SEC23A: variants seen among roughly 807,000 people sequenced by gnomAD.
The protein encoded by SEC23A is SEC23 homolog A, COPII component.
Under a neutral mutation model 103.7 loss-of-function variants are expected in SEC23A, and 56 were observed. That is an observed-to-expected ratio of 0.54 (90% CI 0.44 to 0.67). The LOEUF (loss-of-function observed/expected upper bound fraction) is 0.67, where lower values mean the gene tolerates loss of function less well. Ranked by LOEUF, SEC23A falls within the 30% of genes least tolerant of loss-of-function variation. The probability of loss-of-function intolerance (pLI) is 0.00; values close to 1 mark genes in which losing one functional copy is unlikely to be tolerated. For synonymous variants in SEC23A, 281 were observed against 293.0 expected, an observed-to-expected ratio of 0.96 and a Z score of 0.42; for missense variants, 784 against 936.4, an observed-to-expected ratio of 0.84 and a Z score of 2.12.
rs374291233 is a variant in SEC23A at position 39,092,151 on chromosome 14, G to A, written c.366+390C>T. ...GTAAACAACTATGGTTAAGTATTCA[G>A]AAAGAGAATAAAAATGATTTTCCTA... On this transcript the variant is annotated intron_variant, in intron 4 of 19. Transcript: ENST00000307712. Among the ~76,000 whole-genome samples the A allele has an allele frequency of 2.5e-3, 375 of 152,276 alleles. 1 individual carries two copies. Among genetic ancestry groups the A allele is most frequent in the Non-Finnish European group, 4.6e-3 (311 of 68,002 alleles).
At chr14:39,048,827 G>A (rs564586604) in intron 14 of SEC23A, 98 bp from the exon 15 acceptor site, 1 of 694,382 alleles carries the variant, frequency 1.4e-6, no homozygotes, top group Admixed American at 2.3e-5. Context: ...CCAATCATCA[G>A]GAAGCAGATA....
rs750091104 is a variant in SEC23A at position 39,074,407 on chromosome 14, A to C, written c.1103+8T>G. 8 of 1,539,278 alleles carry C rather than the reference A, an allele frequency of 5.2e-6. No individual in the cohort carries two copies. In the Admixed American group the frequency reaches 1.3e-4, roughly 26 times the overall value. ...AATTACAAAAACTGTAAAAATTTAA[A>C]TACATACCCAGTAAGGTTGGGACAG... On this transcript the variant is annotated splice_region_variant and intron_variant, in intron 9 of 19. Coordinates refer to ENST00000307712, the MANE Select transcript of SEC23A (RefSeq NM_006364.4).
At chr14:39,065,747 C>G (rs1171930054) in intron 10 of SEC23A, among the ~76,000 whole-genome samples, 2 of 152,144 alleles carry the variant, frequency 1.3e-5, no homozygotes, top group Non-Finnish European at 2.9e-5. Context: ...GCCTGTAATC[C>G]CAACACTTTG....
At chr14:39,037,382 CCT>C (rs1227626462) in intron 19 of SEC23A, among the ~76,000 whole-genome samples, 1 of 152,070 alleles carries the variant, frequency 6.6e-6, no homozygotes, top group Non-Finnish European at 1.5e-5. Flanking sequence ...CCCAAAATAC[CCT>C]GTTTCCCCTC....
chr14:39,059,297 A>AAAAAAC lies in SEC23A; in HGVS notation c.1505+2467_1505+2468insGTTTTT, dbSNP rs1566491524. 1.7e-5 allele frequency among the ~76,000 whole-genome samples: 2 copies of AAAAAAC among 119,780 alleles called. 1 individual carries two copies. The highest frequency in any genetic ancestry group is 3.8e-5 in the Non-Finnish European group (2 of 52,976). 78.6% of individuals were successfully genotyped at this position (119,780 alleles called of 152,430 possible). A position where few individuals can be genotyped will look rare whatever the true frequency, so the allele number is the denominator to read the frequency against. ...CTAGTTTAAAAAAAAAAAAAAAAAA[A>AAAAAAC]AAAAAAAAAAAAACAACAAGGTGCT... On this transcript the variant is annotated intron_variant, in intron 13 of 19. Coordinates refer to ENST00000307712, the MANE Select transcript of SEC23A (RefSeq NM_006364.4).
At chr14:39,052,165 G>T (rs1358772706) in intron 14 of SEC23A, among the ~76,000 whole-genome samples, 1 of 152,066 alleles carries the variant, frequency 6.6e-6, no homozygotes, top group East Asian at 1.9e-4. Context: ...GGGGAGTGAG[G>T]GGAGGGAGAG....
At chr14:39,065,788 C>T (rs1393870545) in intron 10 of SEC23A, among the ~76,000 whole-genome samples, 2 of 152,006 alleles carry the variant, frequency 1.3e-5, no homozygotes, top group African/African-American at 2.4e-5. Context: ...CACCCAAGGT[C>T]GGGAGTTCAA....
chr14:39,055,463 A>C (rs1054680076), intron 13 of SEC23A, among the ~76,000 whole-genome samples, 167 bp from the exon 14 acceptor site: 4 of 150,456 alleles, frequency 2.7e-5, no homozygotes, highest in African/African-American at 9.8e-5. Flanking sequence ...GCTGCAGTGC[A>C]ATGGCGCGAT....
intron 6 of SEC23A, among the ~76,000 whole-genome samples, chr14:39,086,281 G>A (rs1887441400): frequency 6.6e-6 from 1 of 152,132 alleles, no homozygotes; most frequent in South Asian, 2.1e-4. Flanking sequence ...TTAGGTTACT[G>A]AAATAATTAT....
chr14:39,035,169 T>C (rs1399816923), intron 19 of SEC23A, among the ~76,000 whole-genome samples: 1 of 152,200 alleles, frequency 6.6e-6, no homozygotes, highest in Non-Finnish European at 1.5e-5. Context: ...ATAGGATTAC[T>C]AGTATCCACC....
chr14:39,072,072 A>G (rs1262852862), intron 9 of SEC23A, among the ~76,000 whole-genome samples: 1 of 152,014 alleles, frequency 6.6e-6, no homozygotes, highest in Non-Finnish European at 1.5e-5. Context: ...TGTCTCTACT[A>G]AAAATACAAA....
At chr14:39,094,436 ATATATATT>A (rs1566515325) in intron 2 of SEC23A, among the ~76,000 whole-genome samples, 919 of 21,518 alleles carry the variant, frequency 0.043, 232 homozygotes, top group Non-Finnish European at 0.051. Context: ...ATATATATAT[ATATATATT>A]TTTTTTTTTT....
chr14:39,092,701 A>T, intron 3 of SEC23A, 74 bp from the exon 4 acceptor site: 1 of 813,398 alleles, frequency 1.2e-6, no homozygotes, highest in Non-Finnish European at 2.0e-6. Context: ...TAAACAAAGT[A>T]TTTCCTGATC....
intron 7 of SEC23A, among the ~76,000 whole-genome samples, chr14:39,084,771 G>A (rs1250789130): frequency 6.6e-6 from 1 of 152,150 alleles, no homozygotes; most frequent in East Asian, 1.9e-4. Flanking sequence ...TTGGGTTCAA[G>A]CAATTCTCCC....
chr14:39,065,654 C>T (rs1886633909), intron 10 of SEC23A, among the ~76,000 whole-genome samples: 1 of 152,132 alleles, frequency 6.6e-6, no homozygotes, highest in African/African-American at 2.4e-5. Context: ...CTCTATGCCT[C>T]TCCTCACACT....
intron 2 of SEC23A, chr14:39,095,111 C>T (rs1342778579): frequency 4.7e-6 from 3 of 641,690 alleles, no homozygotes; most frequent in African/African-American, 1.8e-5. Context: ...GGGTATACTA[C>T]CAGAGATGGA....
chr14:39,052,580 T>C (rs1401703524), intron 14 of SEC23A, among the ~76,000 whole-genome samples: 3 of 152,136 alleles, frequency 2.0e-5, no homozygotes, highest in African/African-American at 7.2e-5. Flanking sequence ...AATTCAGCAA[T>C]ACCTCTGGCA....
intron 7 of SEC23A, among the ~76,000 whole-genome samples, chr14:39,081,113 G>A (rs1400494550): frequency 6.6e-6 from 1 of 151,914 alleles, no homozygotes; most frequent in Non-Finnish European, 1.5e-5. Flanking sequence ...TCTGAGGCTG[G>A]AGGACTGCTT....
At chr14:39,041,486 TAAAACA>T in intron 17 of SEC23A, 1 of 109,446 alleles carries the variant, frequency 9.1e-6, no homozygotes, top group Non-Finnish European at 1.9e-5. Context: ...GGCAAGAAGT[TAAAACA>T]GGTATTATTC....
Sources: gnomAD v4.1 joint callset for allele counts (sites outside exome capture counted in the v4.1 genomes callset) on GRCh38, gnomAD v4.1.1 for gene constraint, MANE v1.5 for transcripts, NCBI Gene and HGNC (gene_info 2026-07-23, HGNC 2026-07-21) for gene names.